LMX1A: variants seen among roughly 807,000 people sequenced by gnomAD.
The protein encoded by LMX1A is LIM homeobox transcription factor 1 alpha.
A neutral mutation model predicts 49.1 loss-of-function variants in LMX1A; 15 were observed. The observed-to-expected ratio is 0.31, with a 90% CI of 0.20 to 0.47. The LOEUF (loss-of-function observed/expected upper bound fraction) is 0.47, where lower values mean the gene tolerates loss of function less well. LMX1A is among the 20% of genes least tolerant of loss of function. The pLI, the probability that LMX1A is intolerant of heterozygous loss-of-function variation, is 1.00. For synonymous variants in LMX1A, 167 were observed against 185.7 expected (o/e 0.90, Z 0.82); for missense variants, 372 against 475.8 (o/e 0.78, Z 2.03).
intron 3 of LMX1A, among the ~76,000 whole-genome samples, chr1:165,320,470 G>A (rs1655351940): frequency 6.6e-6 from 1 of 152,198 alleles, no homozygotes; most frequent in Non-Finnish European, 1.5e-5. Context: ...ATTCTGCAAG[G>A]CAGAAGGAAG....
chr1:165,322,845 T>C (rs1655462454), intron 3 of LMX1A, among the ~76,000 whole-genome samples: 3 of 152,214 alleles, frequency 2.0e-5, no homozygotes, highest in Non-Finnish European at 2.9e-5. Flanking sequence ...TTACCCACTA[T>C]GGTTCCTTAA....
At chr1:165,283,630 C>T (rs1654216113) in intron 3 of LMX1A, among the ~76,000 whole-genome samples, 1 of 152,186 alleles carries the variant, frequency 6.6e-6, no homozygotes, top group African/African-American at 2.4e-5. Context: ...ACCACATACC[C>T]TGCATAGCAT....
chr1:165,352,159 C>T (rs750845952), intron 3 of LMX1A, among the ~76,000 whole-genome samples: 4 of 152,370 alleles, frequency 2.6e-5, no homozygotes, highest in South Asian at 4.1e-4. Context: ...CTAAGCTCCT[C>T]CCGGCACGCC....
intron 4 of LMX1A, among the ~76,000 whole-genome samples, chr1:165,243,272 G>T (rs888876442): frequency 6.6e-6 from 1 of 152,138 alleles, no homozygotes; most frequent in Non-Finnish European, 1.5e-5. Flanking sequence ...GATTTTAAAA[G>T]AAAATGTAAA....
At chr1:165,247,495 G>A (rs1185311156) in intron 4 of LMX1A, among the ~76,000 whole-genome samples, 1 of 152,192 alleles carries the variant, frequency 6.6e-6, no homozygotes, top group Non-Finnish European at 1.5e-5. Context: ...GTTAGTGCCA[G>A]TGTTCCTGAC....
chr1:165,314,187 C>T (rs190862074), intron 3 of LMX1A, among the ~76,000 whole-genome samples: 140 of 152,278 alleles, frequency 9.2e-4, no homozygotes, highest in African/African-American at 3.2e-3. Context: ...AGGGTGGCAG[C>T]GGTTGGGGGA....
intron 4 of LMX1A, among the ~76,000 whole-genome samples, chr1:165,241,604 G>GTCTA (rs1652654383): frequency 6.6e-6 from 1 of 151,442 alleles, no homozygotes; most frequent in Non-Finnish European, 1.5e-5. Flanking sequence ...ACAATACGGA[G>GTCTA]GATGAGACTT....
At chr1:165,222,864 A>G (rs1003329003) in intron 4 of LMX1A, among the ~76,000 whole-genome samples, 3 of 152,226 alleles carry the variant, frequency 2.0e-5, no homozygotes, top group Non-Finnish European at 2.9e-5. Context: ...GCTATCTGAA[A>G]GAGCAAGATA....
At chr1:165,219,932 A>G (rs1277966394) in intron 4 of LMX1A, among the ~76,000 whole-genome samples, 2 of 152,202 alleles carry the variant, frequency 1.3e-5, no homozygotes, top group Non-Finnish European at 2.9e-5. Flanking sequence ...GGGACTAGGG[A>G]AGGGTTCACA....
intron 4 of LMX1A, among the ~76,000 whole-genome samples, chr1:165,228,185 T>C (rs955718915): frequency 1.2e-4 from 18 of 151,946 alleles, no homozygotes; most frequent in African/African-American, 3.6e-4. Flanking sequence ...GAGAAGTCAG[T>C]AGTGATGGAT....
chr1:165,331,103 T>C (rs960568964), intron 3 of LMX1A, among the ~76,000 whole-genome samples: 5 of 152,186 alleles, frequency 3.3e-5, no homozygotes, highest in Admixed American at 3.3e-4. Context: ...AGGACACAAT[T>C]TAAAATTATT....
chr1:165,344,870 C>A (rs1263878155), intron 3 of LMX1A, among the ~76,000 whole-genome samples: 2 of 152,224 alleles, frequency 1.3e-5, no homozygotes, highest in African/African-American at 4.8e-5. Flanking sequence ...GGGCCCCATG[C>A]TCAGGAGAGA....
chr1:165,292,088 A>C (rs12746983), intron 3 of LMX1A, among the ~76,000 whole-genome samples: 1 of 150,034 alleles, frequency 6.7e-6, no homozygotes, highest in Non-Finnish European at 1.5e-5. Context: ...AAAAAAAACA[A>C]TATGCTATAT....
At chr1:165,298,891 A>G (rs954257238) in intron 3 of LMX1A, among the ~76,000 whole-genome samples, 1 of 152,264 alleles carries the variant, frequency 6.6e-6, no homozygotes, top group African/African-American at 2.4e-5. Context: ...GTATGATTTC[A>G]GCTATATGAA....
At chr1:165,256,776 T>C (rs958863047) in intron 3 of LMX1A, among the ~76,000 whole-genome samples, 2 of 152,084 alleles carry the variant, frequency 1.3e-5, no homozygotes, top group African/African-American at 2.4e-5. Context: ...ACAAGAATGT[T>C]TCAAAAGCAC....
At position 165,310,826 on chromosome 1, in the gene LMX1A, A is replaced by G. The variant is rs1461740032; in HGVS notation, c.263+42250T>C. ...TCTGCATTGCTCAGGCATTTGCAAT[A>G]CAGAGGGAATGCGATGCGGACAAGG... On this transcript the variant is annotated intron_variant, in intron 3 of 8. Coordinates refer to ENST00000342310, the MANE Select transcript of LMX1A (RefSeq NM_177398.4). Among the ~76,000 whole-genome samples, 3 of 152,250 alleles carry G rather than the reference A, an allele frequency of 2.0e-5. No individual in the cohort carries two copies. The East Asian group carries it at 5.8e-4, about 29-fold the overall frequency.
chr1:165,299,700 A>G (rs1300249590), intron 3 of LMX1A, among the ~76,000 whole-genome samples: 1 of 150,252 alleles, frequency 6.7e-6, no homozygotes, highest in African/African-American at 2.4e-5. Context: ...CAGTTTCGGG[A>G]TGTTAAAACA....
At chr1:165,207,273 G>A (rs997660921) in intron 7 of LMX1A, among the ~76,000 whole-genome samples, 4 of 152,032 alleles carry the variant, frequency 2.6e-5, no homozygotes, top group Admixed American at 6.5e-5. Flanking sequence ...GGGGCATAGC[G>A]TTTAAGAATG....
intron 4 of LMX1A, among the ~76,000 whole-genome samples, chr1:165,232,475 A>G (rs1304809271): frequency 6.6e-6 from 1 of 152,210 alleles, no homozygotes; most frequent in African/African-American, 2.4e-5. Flanking sequence ...GACACTAGGC[A>G]AAGGGGGAAG....
Sources: allele counts gnomAD v4.1 joint callset (sites outside exome capture counted in the v4.1 genomes callset), GRCh38; gene constraint gnomAD v4.1.1; transcripts MANE v1.5; gene names NCBI Gene and HGNC (gene_info 2026-07-23, HGNC 2026-07-21).